The following NEBL variants were observed in gnomAD, a reference collection of about 807,000 sequenced individuals.
NEBL encodes LIM and SH3 protein 2.
Under a neutral mutation model 140.2 loss-of-function variants are expected in NEBL, and 122 were observed. The ratio of observed to expected loss-of-function variants is 0.87; its 90% CI spans 0.75 to 1.01. NEBL has a LOEUF of 1.01. Ranked by LOEUF, NEBL falls within the 50% of genes least tolerant of loss-of-function variation. The probability of loss-of-function intolerance (pLI) is 0.00; values close to 1 mark genes in which losing one functional copy is unlikely to be tolerated. For missense variants in NEBL, 1,365 were observed against 1,231.3 expected, an observed-to-expected ratio of 1.11 and a Z score of -1.62; for synonymous variants, 436 against 398.9, an observed-to-expected ratio of 1.09 and a Z score of -1.11.
intron 2 of NEBL, among the ~76,000 whole-genome samples, chr10:21,065,426 T>A (rs1006032296): frequency 1.3e-5 from 2 of 152,168 alleles, no homozygotes; most frequent in African/African-American, 4.8e-5. Flanking sequence ...CTTGACTTCA[T>A]AGAAAAACAG....
At chr10:21,022,386 A>C (rs1022938696) in intron 2 of NEBL, among the ~76,000 whole-genome samples, 1 of 152,226 alleles carries the variant, frequency 6.6e-6, no homozygotes, top group African/African-American at 2.4e-5. Context: ...TTGTCGGTGC[A>C]GATAAAGCCT....
intron 2 of NEBL, among the ~76,000 whole-genome samples, chr10:21,128,756 A>T (rs1397361128): frequency 6.6e-6 from 1 of 152,248 alleles, no homozygotes; most frequent in Non-Finnish European, 1.5e-5. Flanking sequence ...CATTTTTTAA[A>T]AGTGTGACAA....
intron 12 of NEBL, among the ~76,000 whole-genome samples, chr10:20,843,832 A>G (rs1841614571): frequency 6.6e-6 from 1 of 152,086 alleles, no homozygotes. Context: ...TGTGTTGTGA[A>G]CACTCAAAAT....
chr10:21,029,384 A>G lies in NEBL; in HGVS notation c.165-9183T>C, dbSNP rs1833683907. 2.5e-6 allele frequency: 4 copies of G among 1,611,544 alleles called. No homozygotes were observed. In the Admixed American group the frequency reaches 5.0e-5, roughly 20 times the overall value. On this transcript the variant is annotated intron_variant, in intron 2 of 6. Coordinates refer to the NEBL transcript ENST00000417816. ...ATCAGTGCAGTGCGTTTACCACGTG[A>G]ACCCAGCAATCCAGAGAGGTTGAAA... is the stretch of plus-strand genomic sequence containing the variant.
intron 2 of NEBL, among the ~76,000 whole-genome samples, chr10:21,165,075 A>G (rs1007862864): frequency 6.6e-6 from 1 of 152,196 alleles, no homozygotes; most frequent in Non-Finnish European, 1.5e-5. Context: ...ATTCACTATT[A>G]TAAGTAAAAG....
At chr10:21,158,822 A>G (rs1840438965) in intron 2 of NEBL, among the ~76,000 whole-genome samples, 1 of 152,246 alleles carries the variant, frequency 6.6e-6, no homozygotes, top group Non-Finnish European at 1.5e-5. Flanking sequence ...TTGAAAGGAT[A>G]AAAGCTAAAT....
At chr10:21,070,270 G>A (rs1835758561) in intron 2 of NEBL, among the ~76,000 whole-genome samples, 1 of 152,050 alleles carries the variant, frequency 6.6e-6, no homozygotes, top group African/African-American at 2.4e-5. Context: ...AAGCTGATTA[G>A]ATCATTTAAG....
intron 14 of NEBL, among the ~76,000 whole-genome samples, chr10:20,831,878 T>G (rs967867349): frequency 6.6e-6 from 1 of 152,150 alleles, no homozygotes; most frequent in Non-Finnish European, 1.5e-5. Context: ...GATATATTAT[T>G]GGGTCATATA....
At chr10:20,824,366 CTA>C (rs1013895532) in intron 18 of NEBL, among the ~76,000 whole-genome samples, 1 of 152,158 alleles carries the variant, frequency 6.6e-6, no homozygotes, top group Non-Finnish European at 1.5e-5. Context: ...CAGATATCAT[CTA>C]TGTCTTAGTA....
chr10:21,235,314 G>A (rs1231417753), intron 3 of NEBL, among the ~76,000 whole-genome samples: 6 of 151,448 alleles, frequency 4.0e-5, no homozygotes, highest in Non-Finnish European at 2.9e-5. Context: ...AAATCCAAAT[G>A]TTAAAAAATC....
At chr10:21,175,992 CTTT>C (rs960209478), upstream of NEBL, among the ~76,000 whole-genome samples, 1 of 145,544 alleles carries the variant, frequency 6.9e-6, no homozygotes. Flanking sequence ...TATGTTTAAT[CTTT>C]TTTTTTTTTT....
chr10:20,858,297 A>C lies in NEBL; in HGVS notation c.846T>G (p.Asp282Glu), dbSNP rs1195431616. 1.7e-5 allele frequency: 28 copies of C among 1,611,624 alleles called. No individual in the cohort carries two copies. The highest frequency in any genetic ancestry group is 2.4e-5 in the Non-Finnish European group (28 of 1,177,826). The change falls in exon 9 of 28, where the codon GAT becomes GAG. Residue 282 changes from aspartate (D) to glutamate (E), a missense_variant. This residue lies in a region of NEBL where 1,323 missense variants were observed against 1,154.8 expected (regional missense o/e 1.15). Coordinates refer to ENST00000377122, the MANE Select transcript of NEBL (RefSeq NM_006393.3). The stretch of plus-strand genomic sequence containing the variant: ...GGTCTAAAAACAACAAATTTGGGAG[A>C]TCTGAAACTGGATCATGCATATTTT... ...DIQNMHDPVSDLPNLLFLDHV... is the reference protein window; with the variant it reads ...DIQNMHDPVSELPNLLFLDHV...
chr10:20,942,949 G>T (rs1324451637), intron 4 of NEBL, among the ~76,000 whole-genome samples: 1 of 152,210 alleles, frequency 6.6e-6, no homozygotes, highest in African/African-American at 2.4e-5. Context: ...ACAGGTGCTG[G>T]AGAGGATGTG....
intron 2 of NEBL, among the ~76,000 whole-genome samples, chr10:21,101,013 C>G (rs934550919): frequency 1.1e-4 from 16 of 152,088 alleles, no homozygotes; most frequent in Admixed American, 3.3e-4. Context: ...GAAGGAAATA[C>G]TCACCAGAAT....
chr10:21,077,168 T>G (rs142805538), intron 2 of NEBL, among the ~76,000 whole-genome samples: 1 of 152,314 alleles, frequency 6.6e-6, no homozygotes, highest in African/African-American at 2.4e-5. Flanking sequence ...TTGGGGTCTA[T>G]CTTGGTTTTT....
At chr10:21,007,357 G>C (rs1004223102) in intron 3 of NEBL, among the ~76,000 whole-genome samples, 4 of 152,226 alleles carry the variant, frequency 2.6e-5, no homozygotes, top group African/African-American at 9.6e-5. Flanking sequence ...AAGTATGGAG[G>C]GTCCTTCAGT....
At chr10:21,251,902 A>G (rs2132273147) in intron 1 of NEBL, among the ~76,000 whole-genome samples, 1 of 152,286 alleles carries the variant, frequency 6.6e-6, no homozygotes, top group Non-Finnish European at 1.5e-5. Context: ...CAAAAAGACT[A>G]AAACAGACCT....
At chr10:20,892,224 C>G (rs919958787) in intron 2 of NEBL, among the ~76,000 whole-genome samples, 13 of 152,210 alleles carry the variant, frequency 8.5e-5, no homozygotes, top group Admixed American at 7.9e-4. Context: ...CCTGGGGAGC[C>G]ACACTCTCTG....
chr10:20,924,482 G>A (rs1252897871), intron 4 of NEBL, among the ~76,000 whole-genome samples: 1 of 129,596 alleles, frequency 7.7e-6, no homozygotes, highest in African/African-American at 2.9e-5. Context: ...ACCAAAATAA[G>A]CTCCTCGGAA....
Sources: allele counts gnomAD v4.1 joint callset (sites outside exome capture counted in the v4.1 genomes callset), GRCh38; gene constraint gnomAD v4.1.1; regional missense constraint gnomAD v4.1.1; transcripts MANE v1.5; gene names NCBI Gene and HGNC (gene_info 2026-07-23, HGNC 2026-07-21).